Variants in ODAD1 observed in about 807,000 individuals in gnomAD.
ODAD1 encodes outer dynein arm docking complex subunit 1, also known as outer dynein arm-docking complex subunit 1.
ODAD1 carries 49 observed loss-of-function variants against 67.2 expected under a neutral mutation model. That is an observed-to-expected ratio of 0.73 (90% confidence interval 0.58 to 0.92). ODAD1 has a LOEUF of 0.92. ODAD1 is among the 40% of genes least tolerant of loss of function. The pLI, the probability that ODAD1 is intolerant of heterozygous loss-of-function variation, is 0.00. For missense variants in ODAD1, 897 were observed against 953.7 expected (o/e 0.94, Z 0.78); for synonymous variants, 345 against 393.7 (o/e 0.88, Z 1.46).
At chr19:48,307,887 C>G (rs10403863) in intron 7 of ODAD1, among the ~76,000 whole-genome samples, 3,373 of 150,804 alleles carry the variant, frequency 0.022, 134 homozygotes, top group African/African-American at 0.078. Flanking sequence ...CTAGAAAGAA[C>G]CGGGACTCCT....
intron 3 of ODAD1, chr19:48,319,686 CCTGG>C (rs1310902060): frequency 6.5e-6 from 1 of 153,014 alleles, no homozygotes; most frequent in African/African-American, 2.4e-5. Flanking sequence ...CGCCATCACA[CCTGG>C]CTAATTTTAT....
intron 12 of ODAD1, among the ~76,000 whole-genome samples, chr19:48,299,574 C>T (rs939754037): frequency 1.6e-4 from 24 of 152,130 alleles, no homozygotes; most frequent in Admixed American, 5.9e-4. Context: ...GAAGCCAAGG[C>T]GGGTGGATCA....
intron 5 of ODAD1, among the ~76,000 whole-genome samples, chr19:48,313,432 AAAAAAAAAAAAAAACC>A (rs1261543659): frequency 2.3e-5 from 3 of 132,138 alleles, no homozygotes; most frequent in African/African-American, 5.9e-5. Context: ...ATCTCAAAAA[AAAAAAAAAAAAAAACC>A]AAAAAAAAAC....
chr19:48,306,103 T>G, intron 8 of ODAD1, 153 bp downstream of exon 8: 3 of 724,998 alleles, frequency 4.1e-6, no homozygotes, highest in Non-Finnish European at 3.4e-6. Context: ...GGTGGGGAAC[T>G]GGTGGCGGGG....
chr19:48,306,244 C>T lies in ODAD1; in HGVS notation c.665+12G>A, dbSNP rs548117033. ...CTGGGTCCCGCCATCCCAGGATACC[C>T]GCAGTCTCTACCTGACGGCGTAGGC... On this transcript the variant is annotated intron_variant, in intron 8 of 15. Coordinates refer to ENST00000674294, the MANE Select transcript of ODAD1 (RefSeq NM_001364171.2). 3.6e-5 allele frequency: 56 copies of T among 1,551,402 alleles called. No homozygotes were observed. The highest frequency in any genetic ancestry group is 1.8e-4 in the Admixed American group (9 of 50,972).
In ODAD1 at chr19:48,302,685, G is replaced by T. The variant is rs199702730; in HGVS notation, c.1240+9C>A. 338 of 1,604,392 alleles carry T rather than the reference G, an allele frequency of 2.1e-4. No individual in the cohort carries two copies. Among genetic ancestry groups the T allele is most frequent in the Non-Finnish European group, 2.5e-4 (292 of 1,177,346 alleles). On this transcript the variant is annotated intron_variant, in intron 12 of 15. Coordinates refer to ENST00000674294, the MANE Select transcript of ODAD1 (RefSeq NM_001364171.2). ...CCAGGCTCGGGAGGGGGCGCCCATGGGTGCTCACCAGCCTTGAGCTTCTCC... is the reference window on the plus strand; with the variant it reads ...CCAGGCTCGGGAGGGGGCGCCCATGTGTGCTCACCAGCCTTGAGCTTCTCC...
intron 7 of ODAD1, among the ~76,000 whole-genome samples, chr19:48,310,399 G>T (rs185335382): frequency 6.6e-6 from 1 of 152,110 alleles, no homozygotes; most frequent in African/African-American, 2.4e-5. Context: ...ATTCTGGACC[G>T]GAGCCTAGAG....
At position 48,297,593 on chromosome 19, in the gene ODAD1, C is replaced by T; in HGVS notation, c.1578G>A (p.Lys526=). Residue 526 remains lysine, a synonymous_variant, in exon 15 of 16, where the codon AAG becomes AAA. Coordinates refer to ENST00000674294, the MANE Select transcript of ODAD1 (RefSeq NM_001364171.2). The part of the protein sequence containing the change: ...SREELLSQVE[K]LVELQEQAEA... ...CCCCCGCAGGCCCCACTCTCACCAG[C>T]TTCTCCACTTGGCTCAGCAGCTCCT... The T allele has an allele frequency of 1.3e-6, 2 of 1,550,580 alleles. No individual in the cohort carries two copies. Among genetic ancestry groups the T allele is most frequent in the South Asian group, 1.2e-5 (1 of 80,498 alleles).
intron 7 of ODAD1, among the ~76,000 whole-genome samples, chr19:48,307,250 TG>T (rs1968632744): frequency 6.6e-6 from 1 of 150,960 alleles, no homozygotes; most frequent in Non-Finnish European, 1.5e-5. Context: ...AGGAAAAAGC[TG>T]GTGATATTGG....
At chr19:48,317,885 A>T (rs1246293714) in intron 5 of ODAD1, among the ~76,000 whole-genome samples, 1 of 152,084 alleles carries the variant, frequency 6.6e-6, no homozygotes, top group Non-Finnish European at 1.5e-5. Context: ...ATCTTGGCTA[A>T]CACAGTAAAA....
intron 14 of ODAD1, 74 bp downstream of exon 14, chr19:48,297,924 ACT>A: frequency 3.3e-6 from 4 of 1,223,534 alleles, no homozygotes; most frequent in South Asian, 1.3e-5. Flanking sequence ...GCCCCCCAAA[ACT>A]CTCTATCCTG....
chr19:48,299,747 G>A (rs368639499), intron 12 of ODAD1, among the ~76,000 whole-genome samples: 106 of 152,246 alleles, frequency 7.0e-4, no homozygotes, highest in African/African-American at 2.5e-3. Flanking sequence ...ATTGCAGTGA[G>A]CCGAGATCGT....
In ODAD1 at chr19:48,296,652, G is replaced by C. The variant is rs1968288407; in HGVS notation, c.*324C>G. 1 of 564,906 alleles carries C rather than the reference G, an allele frequency of 1.8e-6. No homozygotes were observed. The highest frequency in any genetic ancestry group is 4.7e-5 in the Admixed American group (1 of 21,392). 35.0% of individuals were successfully genotyped at this position (564,906 alleles called of 1,614,324 possible). On this transcript the variant is annotated 3_prime_UTR_variant, in exon 16 of 16. Coordinates refer to ENST00000674294, the MANE Select transcript of ODAD1 (RefSeq NM_001364171.2). ...GGAGAGAGAGCCGGAAACAGGAGGT[G>C]GGGGATCCACAGGGGGCCAGGGCTC...
chr19:48,315,999 G>T (rs1031864342), intron 5 of ODAD1, among the ~76,000 whole-genome samples: 1 of 152,140 alleles, frequency 6.6e-6, no homozygotes, highest in Non-Finnish European at 1.5e-5. Flanking sequence ...TCATTATATG[G>T]ACATGTGCTT....
chr19:48,311,715 C>G, intron 6 of ODAD1, 49 bp from the exon 7 acceptor site: 1 of 1,128,832 alleles, frequency 8.9e-7, no homozygotes, highest in South Asian at 1.3e-5. Flanking sequence ...CCAAGTCTGC[C>G]TGCCTCCTCC....
chr19:48,299,873 A>T (rs34544030), intron 12 of ODAD1, among the ~76,000 whole-genome samples: 1 of 143,158 alleles, frequency 7.0e-6, no homozygotes, highest in Non-Finnish European at 1.5e-5. Flanking sequence ...AGAAGGGATT[A>T]AAAAAAAAAA....
At chr19:48,312,198 G>A in intron 5 of ODAD1, 82 bp from the exon 6 acceptor site, 3 of 1,059,644 alleles carry the variant, frequency 2.8e-6, no homozygotes, top group Non-Finnish European at 4.2e-6. Flanking sequence ...GAGTCACTAA[G>A]CATGGCAAAC....
Position 48,301,815 on chromosome 19 carries a change from CTGGATGGATGGATGGATGGA to C in ODAD1, c.1240+859_1240+878del, listed in dbSNP as rs201641397. 7.0e-3 allele frequency among the ~76,000 whole-genome samples: 1,020 copies of C among 145,422 alleles called. 15 individuals are homozygous for C. Among genetic ancestry groups the C allele is most frequent in the African/African-American group, 0.025 (956 of 38,306 alleles). ...CATGGGACAGTTGGAGGAATAGATCCTGGATGGATGGATGGATGGATGGATGGATGGATGGATGGATGGAT... is the reference window on the plus strand; with the variant it reads ...CATGGGACAGTTGGAGGAATAGATCCTGGATGGATGGATGGATGGATGGAT... On this transcript the variant is annotated intron_variant, in intron 12 of 15. Coordinates refer to ENST00000674294, the MANE Select transcript of ODAD1 (RefSeq NM_001364171.2).
chr19:48,307,317 G>A (rs576465185), intron 7 of ODAD1, among the ~76,000 whole-genome samples: 5 of 152,322 alleles, frequency 3.3e-5, no homozygotes, highest in South Asian at 2.1e-4. Context: ...TCAGCCAGGC[G>A]CAGTGGCTCA....
Sources: gnomAD v4.1 joint callset for allele counts (sites outside exome capture counted in the v4.1 genomes callset) on GRCh38, gnomAD v4.1.1 for gene constraint, MANE v1.5 for transcripts, NCBI Gene and HGNC (gene_info 2026-07-23, HGNC 2026-07-21) for gene names.